The following SGCD variants were observed in gnomAD, a reference collection of about 807,000 sequenced individuals.
SGCD encodes delta-sarcoglycan.
A neutral mutation model predicts 36.6 loss-of-function variants in SGCD; 18 were observed. The ratio of observed to expected loss-of-function variants is 0.49; its 90% CI spans 0.34 to 0.73. The LOEUF is 0.73. Among genes scored for constraint, SGCD ranks in the 30% least tolerant of loss-of-function variants. The pLI is 0.01. For synonymous variants in SGCD, 133 were observed against 130.6 expected, an observed-to-expected ratio of 1.02 and a Z score of -0.12; for missense variants, 387 against 346.7, an observed-to-expected ratio of 1.12 and a Z score of -0.92.
chr5:156,504,144 C>T (rs1452908332), intron 3 of SGCD, among the ~76,000 whole-genome samples: 1 of 149,754 alleles, frequency 6.7e-6, no homozygotes, highest in East Asian at 2.0e-4. Flanking sequence ...GCGGAGGTTG[C>T]AGTGAGCTGA....
chr5:156,502,626 G>A (rs1397704204), intron 3 of SGCD, among the ~76,000 whole-genome samples: 6 of 152,176 alleles, frequency 3.9e-5, no homozygotes, highest in Non-Finnish European at 1.5e-5. Flanking sequence ...TGAACCATCA[G>A]TCCTGGTCCA....
chr5:156,533,707 T>C (rs1192802561), intron 4 of SGCD, among the ~76,000 whole-genome samples: 2 of 152,200 alleles, frequency 1.3e-5, no homozygotes, highest in African/African-American at 4.8e-5. Context: ...CTAACAGAGA[T>C]GTTAATTTAT....
intron 1 of SGCD, among the ~76,000 whole-genome samples, chr5:156,035,522 A>G (rs1469033368): frequency 6.6e-6 from 1 of 152,142 alleles, no homozygotes; most frequent in South Asian, 2.1e-4. Context: ...AGGTGGGAGA[A>G]TCACTTGAAC....
At chr5:156,419,573 C>T (rs1773207497) in intron 3 of SGCD, among the ~76,000 whole-genome samples, 1 of 152,112 alleles carries the variant, frequency 6.6e-6, no homozygotes, top group African/African-American at 2.4e-5. Flanking sequence ...GCCTAAGAAT[C>T]TGATAAAGTT....
intron 7 of SGCD, among the ~76,000 whole-genome samples, chr5:156,741,065 T>A (rs956869923): frequency 1.3e-4 from 20 of 152,220 alleles, no homozygotes; most frequent in Non-Finnish European, 4.4e-5. Flanking sequence ...TAACCTCTTC[T>A]ATTTCAGCTA....
chr5:155,920,247 T>A (rs904721551), intron 1 of SGCD, among the ~76,000 whole-genome samples: 3 of 152,182 alleles, frequency 2.0e-5, no homozygotes, highest in African/African-American at 7.2e-5. Flanking sequence ...AAGATTAATC[T>A]GTAAGCTATT....
intron 1 of SGCD, among the ~76,000 whole-genome samples, chr5:155,886,962 G>A (rs1465838256): frequency 1.3e-5 from 2 of 152,192 alleles, no homozygotes; most frequent in African/African-American, 4.8e-5. Flanking sequence ...TGGTAGGGAA[G>A]CCACATGCTC....
intron 3 of SGCD, among the ~76,000 whole-genome samples, chr5:156,425,722 T>TC (rs991990054): frequency 2.0e-5 from 3 of 151,954 alleles, no homozygotes; most frequent in Admixed American, 6.6e-5. Context: ...AACTCACGCT[T>TC]CCCCCCGAGT....
At chr5:156,382,293 C>A (rs550426091) in intron 3 of SGCD, among the ~76,000 whole-genome samples, 1 of 152,006 alleles carries the variant, frequency 6.6e-6, no homozygotes, top group African/African-American at 2.4e-5. Context: ...AAGAAGCCAG[C>A]GAGAATATGT....
chr5:156,047,100 A>T (rs1759784289), intron 1 of SGCD, among the ~76,000 whole-genome samples: 1 of 152,158 alleles, frequency 6.6e-6, no homozygotes, highest in Non-Finnish European at 1.5e-5. Flanking sequence ...TTAACCCATA[A>T]CAAGGCCCTA....
At chr5:156,653,861 A>G (rs554874375) in intron 7 of SGCD, among the ~76,000 whole-genome samples, 1 of 152,148 alleles carries the variant, frequency 6.6e-6, no homozygotes, top group Non-Finnish European at 1.5e-5. Context: ...TAGATTTAAG[A>G]AAATAGAGTA....
chr5:156,560,906 TGAC>T (rs1303091560), intron 4 of SGCD, among the ~76,000 whole-genome samples: 1 of 152,210 alleles, frequency 6.6e-6, no homozygotes, highest in African/African-American at 2.4e-5. Flanking sequence ...CAGTAACTAT[TGAC>T]GACATTATTA....
chr5:156,692,310 C>T (rs1436075347), intron 7 of SGCD, among the ~76,000 whole-genome samples: 2 of 152,240 alleles, frequency 1.3e-5, no homozygotes. Context: ...TGAGGAGTAT[C>T]GTGATTGACT....
chr5:155,963,083 T>TA (rs1757824022), intron 1 of SGCD, among the ~76,000 whole-genome samples: 1 of 152,118 alleles, frequency 6.6e-6, no homozygotes, highest in African/African-American at 2.4e-5. Flanking sequence ...TCAATGCTAA[T>TA]ATTCAGGGAC....
intron 7 of SGCD, among the ~76,000 whole-genome samples, chr5:156,718,805 CAAAAA>C (rs34120629): frequency 8.9e-6 from 1 of 111,966 alleles, no homozygotes; most frequent in Non-Finnish European, 2.0e-5. Flanking sequence ...CTATTTCTAC[CAAAAA>C]AAAAAAAAAA....
chr5:156,642,593 C>CA (rs926120049), intron 6 of SGCD, among the ~76,000 whole-genome samples: 1 of 151,538 alleles, frequency 6.6e-6, no homozygotes, highest in Non-Finnish European at 1.5e-5. Context: ...CTCAGCCTCC[C>CA]AAGTAGTTGA....
intron 6 of SGCD, among the ~76,000 whole-genome samples, chr5:156,606,343 A>G: frequency 6.6e-6 from 1 of 152,048 alleles, no homozygotes; most frequent in East Asian, 1.9e-4. Flanking sequence ...TATGTCAAAG[A>G]TCAGATAGTT....
At chr5:156,456,497 G>A (rs1754267969) in intron 3 of SGCD, among the ~76,000 whole-genome samples, 1 of 152,314 alleles carries the variant, frequency 6.6e-6, no homozygotes, top group South Asian at 2.1e-4. Context: ...CTGTTGGGAG[G>A]AAAGTAAAAC....
chr5:155,883,320 G>A lies in SGCD; in HGVS notation c.-282+12896G>A, dbSNP rs183303785. 1.9e-3 allele frequency among the ~76,000 whole-genome samples: 288 copies of A among 152,306 alleles called. 3 individuals are homozygous for A. Among genetic ancestry groups the A allele is most frequent in the African/African-American group, 6.2e-3 (256 of 41,564 alleles). On this transcript the variant is annotated intron_variant, in intron 1 of 9. Transcript: ENST00000517913. ...TTTCTTTTGCATTTACAACTTGGCT[G>A]TTTGGTGCAAGAGGCCCAGTTTTTG...
Sources: allele counts gnomAD v4.1 joint callset (sites outside exome capture counted in the v4.1 genomes callset), GRCh38; gene constraint gnomAD v4.1.1; transcripts MANE v1.5; gene names NCBI Gene and HGNC (gene_info 2026-07-23, HGNC 2026-07-21).